The following SGCD variants were observed in gnomAD, a reference collection of about 807,000 sequenced individuals.
SGCD encodes sarcoglycan delta, also known as delta-sarcoglycan.
In SGCD, 18 loss-of-function variants were observed where a neutral mutation model predicts 36.6. The observed-to-expected ratio is 0.49, with a 90% CI of 0.34 to 0.73. The LOEUF is 0.73. Among genes scored for constraint, SGCD ranks in the 30% least tolerant of loss-of-function variants. The pLI, the probability that SGCD is intolerant of heterozygous loss-of-function variation, is 0.01. For synonymous variants in SGCD, 133 were observed against 130.6 expected, an observed-to-expected ratio of 1.02 and a Z score of -0.12; for missense variants, 387 against 346.7, an observed-to-expected ratio of 1.12 and a Z score of -0.92.
chr5:156,065,412 G>T lies in SGCD; in HGVS notation c.-281-52466G>T, dbSNP rs1205800258. Among the ~76,000 whole-genome samples the T allele has an allele frequency of 2.4e-5, 3 of 125,618 alleles. 1 individual carries two copies. The highest frequency in any genetic ancestry group is 3.6e-5 in the African/African-American group (1 of 27,734). The allele number at this position is 125,618 out of a possible 152,430, so 82.4% of individuals were successfully genotyped here. A position where few individuals can be genotyped will look rare whatever the true frequency, so the allele number is the denominator to read the frequency against. On this transcript the variant is annotated intron_variant, in intron 1 of 9. Coordinates refer to the SGCD transcript ENST00000517913. ...TGGTGCTGAGAAGAATGTATATTCT[G>T]TTGATTTGGGGTGGAGAGTTCTGTA...
intron 1 of SGCD, among the ~76,000 whole-genome samples, chr5:155,901,431 G>T (rs1756387756): frequency 6.6e-6 from 1 of 152,100 alleles, no homozygotes; most frequent in African/African-American, 2.4e-5. Context: ...GATGAATCAG[G>T]AACTCTGAGG....
intron 6 of SGCD, among the ~76,000 whole-genome samples, chr5:156,631,526 A>T (rs1361861924): frequency 1.3e-5 from 2 of 149,754 alleles, no homozygotes; most frequent in Admixed American, 1.3e-4. Context: ...TTTGGCACTG[A>T]CTAATTCAGT....
intron 1 of SGCD, among the ~76,000 whole-genome samples, chr5:155,937,270 C>T (rs962262734): frequency 3.9e-5 from 6 of 152,232 alleles, no homozygotes; most frequent in South Asian, 2.1e-4. Context: ...CATGCCTCCC[C>T]CACTGCAGCC....
chr5:155,859,235 A>ATTC, the SGCD span, among the ~76,000 whole-genome samples: 1 of 151,286 alleles, frequency 6.6e-6, no homozygotes. Flanking sequence ...TATTATTATT[A>ATTC]TTATTGTTAT....
intron 1 of SGCD, among the ~76,000 whole-genome samples, chr5:155,933,585 A>G (rs1301952691): frequency 6.6e-6 from 1 of 152,212 alleles, no homozygotes; most frequent in East Asian, 1.9e-4. Flanking sequence ...TGTTGAATGC[A>G]TAGTGGCCAA....
chr5:155,972,082 T>C (rs1758016752), intron 1 of SGCD, among the ~76,000 whole-genome samples: 2 of 152,194 alleles, frequency 1.3e-5, no homozygotes, highest in African/African-American at 4.8e-5. Context: ...TACATCTATT[T>C]ACTTGCTCTA....
At chr5:156,360,779 G>C (rs1769747462) in intron 3 of SGCD, among the ~76,000 whole-genome samples, 1 of 152,050 alleles carries the variant, frequency 6.6e-6, no homozygotes, top group Admixed American at 6.6e-5. Context: ...CCCCTCTCCA[G>C]CTCCCCTTTC....
At chr5:156,539,491 T>C (rs566547961) in intron 4 of SGCD, among the ~76,000 whole-genome samples, 8 of 152,186 alleles carry the variant, frequency 5.3e-5, no homozygotes, top group South Asian at 2.1e-4. Flanking sequence ...CTCCCACTTA[T>C]AAGTGAGGAC....
chr5:156,314,125 C>A (rs1767455471), intron 3 of SGCD, among the ~76,000 whole-genome samples: 1 of 151,756 alleles, frequency 6.6e-6, no homozygotes, highest in African/African-American at 2.4e-5. Context: ...CCAGTTTAGT[C>A]AAAAATATAA....
intron 1 of SGCD, among the ~76,000 whole-genome samples, chr5:156,080,669 C>T (rs1417715347): frequency 6.6e-6 from 1 of 152,220 alleles, no homozygotes; most frequent in Non-Finnish European, 1.5e-5. Flanking sequence ...AGGGCATGAA[C>T]ACAATGCAGC....
At chr5:156,173,595 T>C (rs1167866439) in intron 3 of SGCD, among the ~76,000 whole-genome samples, 1 of 152,206 alleles carries the variant, frequency 6.6e-6, no homozygotes, top group African/African-American at 2.4e-5. Flanking sequence ...TTTCAATACA[T>C]AAGTTATCAT....
chr5:156,485,395 G>A lies in SGCD; in HGVS notation c.193-23206G>A, dbSNP rs190610075. On this transcript the variant is annotated intron_variant, in intron 3 of 8. Coordinates refer to ENST00000337851, the MANE Select transcript of SGCD (RefSeq NM_000337.6). ...ATGGCTGTGTGGGCCATGCGTGGTG[G>A]CTCACACCTGTAATCCTAGCACTTT... is the stretch of plus-strand genomic sequence containing the variant. Among the ~76,000 whole-genome samples, 206 of 152,280 alleles carry A rather than the reference G, an allele frequency of 1.4e-3. 1 individual carries two copies. Among genetic ancestry groups the A allele is most frequent in the African/African-American group, 4.7e-3 (195 of 41,578 alleles).
intron 3 of SGCD, among the ~76,000 whole-genome samples, chr5:156,134,071 C>G (rs997320956): frequency 6.6e-6 from 1 of 152,116 alleles, no homozygotes; most frequent in Non-Finnish European, 1.5e-5. Flanking sequence ...TTAAAAATCT[C>G]TCCAGTGAAA....
At chr5:156,063,599 T>G (rs1380979310) in intron 1 of SGCD, among the ~76,000 whole-genome samples, 2 of 76,916 alleles carry the variant, frequency 2.6e-5, no homozygotes. Context: ...TTGTCTCCTC[T>G]TTTATTTCCT....
At chr5:155,978,923 CT>C (rs1758174352) in intron 1 of SGCD, among the ~76,000 whole-genome samples, 1 of 152,074 alleles carries the variant, frequency 6.6e-6, no homozygotes, top group Non-Finnish European at 1.5e-5. Flanking sequence ...ACTTAAAGAT[CT>C]GGTTTTAAAA....
At chr5:155,843,745 T>G in the SGCD span, among the ~76,000 whole-genome samples, 1 of 152,090 alleles carries the variant, frequency 6.6e-6, no homozygotes, top group Non-Finnish European at 1.5e-5. Flanking sequence ...AAGCTGAACA[T>G]GGAGTAGGGG....
intron 1 of SGCD, among the ~76,000 whole-genome samples, chr5:156,078,579 T>TTATATTTATATATATTTATATTTA (rs1561710215): frequency 7.3e-6 from 1 of 136,702 alleles, no homozygotes; most frequent in Admixed American, 7.7e-5. Flanking sequence ...ATATTTATAT[T>TTATATTTATATATATTTATATTTA]TATATATATT....
chr5:155,748,454 AT>A, the SGCD span, among the ~76,000 whole-genome samples: 2 of 152,110 alleles, frequency 1.3e-5, no homozygotes, highest in Non-Finnish European at 2.9e-5. Context: ...CCTGAGGCGT[AT>A]GGTTCTCAAA....
At chr5:156,396,842 C>T (rs923208560) in intron 3 of SGCD, among the ~76,000 whole-genome samples, 2 of 152,148 alleles carry the variant, frequency 1.3e-5, no homozygotes, top group Admixed American at 6.5e-5. Context: ...ATTCCTATTT[C>T]GAATAATTGA....
Sources: gnomAD v4.1 joint callset for allele counts (sites outside exome capture counted in the v4.1 genomes callset) on GRCh38, gnomAD v4.1.1 for gene constraint, MANE v1.5 for transcripts, NCBI Gene and HGNC (gene_info 2026-07-23, HGNC 2026-07-21) for gene names.